CAD: variants seen among roughly 807,000 people sequenced by gnomAD.
CAD encodes the protein carbamoyl-phosphate synthetase 2, aspartate transcarbamylase, and dihydroorotase, also known as multifunctional protein CAD.
In CAD, 81 loss-of-function variants were observed where a neutral mutation model predicts 237.2. The observed-to-expected ratio is 0.34, with a 90% confidence interval of 0.29 to 0.41. The LOEUF (loss-of-function observed/expected upper bound fraction) is 0.41. Among genes scored for constraint, CAD ranks in the 10% least tolerant of loss-of-function variants. CAD has a pLI of 1.00. For synonymous variants in CAD, 1,196 were observed against 1,162.8 expected (o/e 1.03, Z -0.58); for missense variants, 2,181 against 2,951.7 (o/e 0.74, Z 6.05).
chr2:27,219,495 G>A (rs1239279013), intron 2 of CAD, among the ~76,000 whole-genome samples: 27 of 152,070 alleles, frequency 1.8e-4, no homozygotes, highest in East Asian at 1.9e-4. Context: ...GGCACCTGCC[G>A]CCATGCCTGG....
At position 27,226,815 on chromosome 2, in the gene CAD, C is replaced by T. The variant is rs779748245; in HGVS notation, c.2157-17C>T. ...TTCCTTCACTGTCCTTCTGGCATCCCACCTGCTGGACCCCAGGAACTCTGT... is the reference window on the plus strand; with the variant it reads ...TTCCTTCACTGTCCTTCTGGCATCCTACCTGCTGGACCCCAGGAACTCTGT... On this transcript the variant is annotated splice_polypyrimidine_tract_variant and intron_variant, in intron 14 of 43. Coordinates refer to ENST00000264705, the MANE Select transcript of CAD (RefSeq NM_004341.5). 12 of 1,613,680 alleles carry T rather than the reference C, an allele frequency of 7.4e-6. No homozygotes were observed. Among genetic ancestry groups the T allele is most frequent in the Non-Finnish European group, 1.0e-5 (12 of 1,179,774 alleles).
chr2:27,225,190 G>T lies in CAD; in HGVS notation c.1567G>T (p.Ala523Ser), dbSNP rs764347058. 2 of 1,614,152 alleles carry T rather than the reference G, an allele frequency of 1.2e-6. No individual in the cohort carries two copies. The highest frequency in any genetic ancestry group is 1.7e-6 in the Non-Finnish European group (2 of 1,180,026). ...EDRRAFAARM[A>S]EIGEHVAPSE... is the part of the protein sequence containing the mutation. ...TCGACGGGCCTTTGCTGCCAGAATG[G>T]CAGAGATCGGAGAGCATGTGGCCCC... is the stretch of plus-strand genomic sequence containing the variant. Residue 523 changes from alanine (A) to serine (S), a missense_variant, in exon 11 of 44, where the codon GCA becomes TCA. By Grantham distance (99) the Ala-to-Ser change is moderately conservative. Coordinates refer to ENST00000264705, the MANE Select transcript of CAD (RefSeq NM_004341.5).
chr2:27,224,654 A>C lies in CAD; in HGVS notation c.1255-91A>C, dbSNP rs1430551790. ...GTCAATTATTAGGGGCCAAGAGTACAGGGAGGGAAAGAAGAGGAGAATGCT... is the reference window on the plus strand; with the variant it reads ...GTCAATTATTAGGGGCCAAGAGTACCGGGAGGGAAAGAAGAGGAGAATGCT... On this transcript the variant is annotated intron_variant, in intron 9 of 43. Coordinates refer to ENST00000264705, the MANE Select transcript of CAD (RefSeq NM_004341.5). The C allele has an allele frequency of 1.9e-6, 3 of 1,564,132 alleles. No homozygotes were observed. In the African/African-American group the frequency reaches 4.1e-5, roughly 21 times the overall value.
chr2:27,240,898 G>A lies in CAD; in HGVS notation c.5594-13G>A, dbSNP rs548512428. 1.9e-6 allele frequency: 3 copies of A among 1,613,944 alleles called. No homozygotes were observed. The highest frequency in any genetic ancestry group is 1.3e-5 in the African/African-American group (1 of 74,998). On this transcript the variant is annotated splice_polypyrimidine_tract_variant and intron_variant, in intron 35 of 43. Coordinates refer to ENST00000264705, the MANE Select transcript of CAD (RefSeq NM_004341.5). This position sits in a 1 kb window ranked among gnomAD's most constrained non-coding sequence, Gnocchi z 4.6. ...GCCATAAATGTATATCTGTCCTCTT[G>A]TCCTGTTTGCAGCTGAGGAGCCAAA...
At position 27,241,958 on chromosome 2, in the gene CAD, C is replaced by T; in HGVS notation, c.5931C>T (p.Ser1977=). 3 of 1,613,740 alleles carry T rather than the reference C, an allele frequency of 1.9e-6. No individual in the cohort carries two copies. Among genetic ancestry groups the T allele is most frequent in the Non-Finnish European group, 2.5e-6 (3 of 1,180,024 alleles). ...TCTATGAAGTGAGCACACGGACCAG[C>T]AGCTCCTTTGCAGCAGCCATGGCCC... is the stretch of plus-strand genomic sequence containing the variant. The part of the protein sequence containing the change: ...SMFYEVSTRT[S]SSFAAAMARL... The change falls in exon 39 of 44, where the codon AGC becomes AGT. Residue 1977 remains serine (S), a synonymous_variant. Coordinates refer to ENST00000264705, the MANE Select transcript of CAD (RefSeq NM_004341.5). This position sits in a 1 kb window ranked among gnomAD's most constrained non-coding sequence, Gnocchi z 4.6.
Position 27,234,000 on chromosome 2 carries a change from C to T in CAD, c.3400-8C>T, listed in dbSNP as rs1266002044. 2 of 1,612,482 alleles carry T rather than the reference C, an allele frequency of 1.2e-6. No homozygotes were observed. Among genetic ancestry groups the T allele is most frequent in the Non-Finnish European group, 1.7e-6 (2 of 1,179,126 alleles). On this transcript the variant is annotated splice_polypyrimidine_tract_variant and splice_region_variant and intron_variant, in intron 21 of 43. Transcript: ENST00000264705. The surrounding 1 kb of genome is among the most constrained non-coding windows in gnomAD (Gnocchi z 6.3). ...CCCTATGTCCCACTGTCTGTGTCCC[C>T]CCGCTAGGAGATTGACGTGGATGCC... is the stretch of plus-strand genomic sequence containing the variant.
At position 27,237,738 on chromosome 2, in the gene CAD, G is replaced by T. The variant is rs767126733; in HGVS notation, c.4584G>T (p.Arg1528=). 12 of 1,613,744 alleles carry T rather than the reference G, an allele frequency of 7.4e-6. No homozygotes were observed. Among genetic ancestry groups the T allele is most frequent in the African/African-American group, 2.7e-5 (2 of 74,958 alleles). The change falls in exon 29 of 44, where the codon CGG becomes CGT. Residue 1528 remains arginine (R), a synonymous_variant. Transcript: ENST00000264705. The surrounding 1 kb of genome is among the most constrained non-coding windows in gnomAD (Gnocchi z 4.0). Reference sequence around the variant, plus strand: ...TCCAGCTGGCAGAGGCTGGCGCCCGGTGCGACTTTGCGCTATTCCTTGGGG... The same window carrying T: ...TCCAGCTGGCAGAGGCTGGCGCCCGTTGCGACTTTGCGCTATTCCTTGGGG... ...LAQKLAEAGA[R]CDFALFLGAS... is the part of the protein sequence containing the mutation.
At chr2:27,224,052 G>A (rs753651264) in intron 8 of CAD, 23 bp downstream of exon 8, 5 of 1,530,176 alleles carry the variant, frequency 3.3e-6, no homozygotes, top group Non-Finnish European at 4.5e-6. Context: ...GTAGAACTGG[G>A]TTGTGGACCT....
At chr2:27,238,729 A>G in intron 31 of CAD, 97 bp downstream of exon 31, 1 of 1,166,160 alleles carries the variant, frequency 8.6e-7, no homozygotes, top group Non-Finnish European at 1.2e-6. Flanking sequence ...GGACTCTACT[A>G]GGACAGGGTC....
chr2:27,237,826 T>A lies in CAD; in HGVS notation c.4672T>A (p.Tyr1558Asn). ...CGGGTCTGCAGCCGGGCTGAAGCTT[T>A]ACCTCAATGAGACCTTCTCTGAGCT... ...VAGSAAGLKLYLNETFSELRL... is the reference protein window; with the variant it reads ...VAGSAAGLKLNLNETFSELRL... The change falls in exon 29 of 44, where the codon TAC (tyrosine) becomes AAC (asparagine). Residue 1558 changes from tyrosine to asparagine, a missense_variant. Coordinates refer to ENST00000264705, the MANE Select transcript of CAD (RefSeq NM_004341.5). This position sits in a 1 kb window ranked among gnomAD's most constrained non-coding sequence, Gnocchi z 4.0. 6.2e-7 allele frequency: 1 copy of A among 1,614,178 alleles called. No homozygotes were observed. Among genetic ancestry groups the A allele is most frequent in the South Asian group, 1.1e-5 (1 of 91,060 alleles).
At position 27,243,373 on chromosome 2, in the gene CAD, C is replaced by G. The variant is rs779886024; in HGVS notation, c.6576-43C>G. The G allele has an allele frequency of 1.0e-5, 16 of 1,572,998 alleles. No homozygotes were observed. In the South Asian group the frequency reaches 1.8e-4, roughly 18 times the overall value. ...TAGTCCTGGACAAGCCATCCATGGG[C>G]TGCACGATAACACTTCCTTTTTTTT... On this transcript the variant is annotated intron_variant, in intron 43 of 43. Transcript: ENST00000264705.
In CAD at chr2:27,222,801, G is replaced by A. The variant is rs78264879; in HGVS notation, c.638-65G>A. On this transcript the variant is annotated intron_variant, in intron 5 of 43. Transcript: ENST00000264705. ...ACTTAACACTCTCATGGGCTGGGGG[G>A]GCTGCAGGTGTGTCTCCTGTAATTG... is the stretch of plus-strand genomic sequence containing the variant. 443 of 1,582,898 alleles carry A rather than the reference G, an allele frequency of 2.8e-4. 1 individual carries two copies. In the South Asian group the frequency reaches 3.4e-3, roughly 12 times the overall value.
intron 22 of CAD, 58 bp downstream of exon 22, chr2:27,234,284 C>T: frequency 1.3e-6 from 2 of 1,489,446 alleles, no homozygotes; most frequent in South Asian, 1.1e-5. Context: ...TCTGTGCTGG[C>T]CACAGTGCCA....
intron 2 of CAD, among the ~76,000 whole-genome samples, chr2:27,218,702 C>G (rs1675000828): frequency 6.6e-6 from 1 of 152,074 alleles, no homozygotes. Flanking sequence ...GAGGTTTCCC[C>G]TATTCCTTCA....
At chr2:27,222,425 A>G (rs1044243060) in intron 4 of CAD, 89 bp downstream of exon 4, 56 of 1,579,190 alleles carry the variant, frequency 3.5e-5, no homozygotes, top group Middle Eastern at 3.3e-4. Flanking sequence ...GGAGAGAATC[A>G]AAGGAGGCTT....
At position 27,236,379 on chromosome 2, in the gene CAD, G is replaced by A. The variant is rs1490571090; in HGVS notation, c.4170G>A (p.Glu1390=). ...AGCAGCTAGCTGAGAAAAACTTTGAGCTGGTGATTAACCTGTCAATGCGTG... is the reference window on the plus strand; with the variant it reads ...AGCAGCTAGCTGAGAAAAACTTTGAACTGGTGATTAACCTGTCAATGCGTG... ...ILEQLAEKNF[E]LVINLSMRGA... The change falls in exon 26 of 44, where the codon GAG becomes GAA. Residue 1390 remains glutamate (E), a synonymous_variant. Coordinates refer to ENST00000264705, the MANE Select transcript of CAD (RefSeq NM_004341.5). This position sits in a 1 kb window ranked among gnomAD's most constrained non-coding sequence, Gnocchi z 4.1. 4.3e-6 allele frequency: 7 copies of A among 1,614,120 alleles called. No homozygotes were observed. Among genetic ancestry groups the A allele is most frequent in the Middle Eastern group, 1.6e-4 (1 of 6,084 alleles).
chr2:27,218,030 G>C lies in CAD; in HGVS notation c.222+14G>C, dbSNP rs1331003861. The stretch of plus-strand genomic sequence containing the variant: ...GGTCTCTGCAAGGTAGCCACACCCA[G>C]TGCTTTCTCTACATTCCTTTTCAAG... On this transcript the variant is annotated intron_variant, in intron 2 of 43. Coordinates refer to ENST00000264705, the MANE Select transcript of CAD (RefSeq NM_004341.5). The C allele has an allele frequency of 6.3e-7, 1 of 1,581,778 alleles. No individual in the cohort carries two copies. The highest frequency in any genetic ancestry group is 2.3e-5 in the East Asian group (1 of 43,688).
Position 27,231,508 on chromosome 2 carries a change from C to G in CAD, c.2328C>G (p.Phe776Leu). The stretch of plus-strand genomic sequence containing the variant: ...TTGGGCGTTCATTTGAGGAGGCCTT[C>G]CAGAAGGCCCTGCGCATGGTGGATG... ...MGIGRSFEEA[F>L]QKALRMVDEN... The change falls in exon 16 of 44, where the codon TTC (phenylalanine) becomes TTG (leucine). Residue 776 changes from phenylalanine (F) to leucine (L), a missense_variant. Physicochemically the swap from Phe to Leu is conservative, Grantham distance 22 (BLOSUM62 0). Around this residue, in one of 12 missense-constraint regions of CAD, gnomAD observed 385 missense variants for 535.1 expected, o/e 0.72. Transcript: ENST00000264705. The G allele has an allele frequency of 6.2e-7, 1 of 1,613,550 alleles. No individual in the cohort carries two copies. Among genetic ancestry groups the G allele is most frequent in the Non-Finnish European group, 8.5e-7 (1 of 1,179,468 alleles).
chr2:27,230,407 C>T (rs897688221), intron 15 of CAD, among the ~76,000 whole-genome samples: 6 of 151,840 alleles, frequency 4.0e-5, no homozygotes, highest in Non-Finnish European at 7.4e-5. Flanking sequence ...TTTGGGAGGC[C>T]GAGGCGGGTG....
Sources: gnomAD v4.1 joint callset for allele counts (sites outside exome capture counted in the v4.1 genomes callset) on GRCh38, gnomAD v4.1.1 for gene constraint, gnomAD v4.1.1 regional missense constraint, Gnocchi (gnomAD v3.1) non-coding constraint, MANE v1.5 for transcripts, NCBI Gene and HGNC (gene_info 2026-07-23, HGNC 2026-07-21) for gene names.